Variants in MCF2 observed in about 807,000 individuals in gnomAD.
The protein encoded by MCF2 is proto-oncogene DBL.
A neutral mutation model predicts 82.5 loss-of-function variants in MCF2; 44 were observed. That is an observed-to-expected ratio of 0.53 (90% CI 0.42 to 0.69). The LOEUF is 0.69. MCF2 is among the 30% of genes least tolerant of loss of function. The pLI, the probability that MCF2 is intolerant of heterozygous loss-of-function variation, is 0.00. For missense variants in MCF2, 623 were observed against 663.1 expected, an observed-to-expected ratio of 0.94 and a Z score of 0.66; for synonymous variants, 217 against 224.9, an observed-to-expected ratio of 0.96 and a Z score of 0.32.
At chrX:139,612,353 A>T (rs1048442933) in intron 10 of MCF2, among the ~76,000 whole-genome samples, 2 of 110,908 alleles carry the variant, frequency 1.8e-5, no homozygotes, top group African/African-American at 6.5e-5. Context: ...AAAGCTTAGA[A>T]GAAAGATCTA....
exon 7 of MCF2, chrX:139,619,652 T>A: frequency 3.4e-6 from 4 of 1,182,553 alleles, no homozygotes; most frequent in Non-Finnish European, 4.6e-6. Flanking sequence ...ATAGTCCCTG[T>A]TACATCAGCC....
chrX:139,703,254 GAGTGT>G (rs2148588774), intron 1 of MCF2, among the ~76,000 whole-genome samples: 1 of 111,947 alleles, frequency 8.9e-6, no homozygotes, highest in South Asian at 3.7e-4. Flanking sequence ...AGAGAGGAGT[GAGTGT>G]AGGAAATTTG....
chrX:139,649,992 T>C (rs1933938734), intron 2 of MCF2, among the ~76,000 whole-genome samples: 2 of 112,309 alleles, frequency 1.8e-5, no homozygotes, highest in South Asian at 3.7e-4. Flanking sequence ...TCATCATTAA[T>C]TCACAGTTAC....
At chrX:139,583,959 T>C (rs1246392229) in intron 24 of MCF2, among the ~76,000 whole-genome samples, 1 of 110,568 alleles carries the variant, frequency 9.0e-6, no homozygotes, top group Non-Finnish European at 1.9e-5. Context: ...CCGCTCTTTT[T>C]CATACTAATA....
At chrX:139,622,897 A>T (rs1182053268) in intron 6 of MCF2, among the ~76,000 whole-genome samples, 3 of 111,248 alleles carry the variant, frequency 2.7e-5, no homozygotes, top group East Asian at 2.8e-4. Flanking sequence ...TAAAATAAAA[A>T]AAAACTAATA....
At chrX:139,663,260 C>A (rs1012614407) in intron 1 of MCF2, among the ~76,000 whole-genome samples, 2 of 112,011 alleles carry the variant, frequency 1.8e-5, no homozygotes, top group Non-Finnish European at 3.8e-5. Context: ...CATTTCTACC[C>A]GCAGTATATA....
rs139210350 is a variant in MCF2 at position 139,671,382 on chromosome X, C to A, written c.-44-19594G>T. On this transcript the variant is annotated intron_variant, in intron 1 of 27. Coordinates refer to the MCF2 transcript ENST00000414978. ...CTTTTGGTGTTTTAGTCATGAAGCC[C>A]TTGCCCATGCCTATGTCCTGAATGG... is the stretch of plus-strand genomic sequence containing the variant. 7.9e-3 allele frequency among the ~76,000 whole-genome samples: 885 copies of A among 111,611 alleles called. 7 individuals are homozygous for A. The highest frequency in any genetic ancestry group is 0.027 in the African/African-American group (839 of 30,687).
At chrX:139,648,699 A>C (rs1933890832) in intron 2 of MCF2, among the ~76,000 whole-genome samples, 1 of 112,382 alleles carries the variant, frequency 8.9e-6, no homozygotes, top group Non-Finnish European at 1.9e-5. Flanking sequence ...ACAAATTATT[A>C]AAAGCAAAGG....
At chrX:139,671,537 G>T (rs1330026644) in intron 1 of MCF2, among the ~76,000 whole-genome samples, 3 of 111,571 alleles carry the variant, frequency 2.7e-5, no homozygotes, top group Non-Finnish European at 5.6e-5. Flanking sequence ...CATATGGCTA[G>T]CTAGTTTTCC....
At chrX:139,705,133 G>A (rs1386138953) in intron 1 of MCF2, among the ~76,000 whole-genome samples, 1 of 111,191 alleles carries the variant, frequency 9.0e-6, no homozygotes, top group African/African-American at 3.3e-5. Context: ...CCAACATGGT[G>A]AAACCCCATC....
chrX:139,696,533 C>T (rs1935388535), intron 1 of MCF2, among the ~76,000 whole-genome samples: 1 of 111,456 alleles, frequency 9.0e-6, no homozygotes, highest in South Asian at 3.8e-4. Context: ...AAGCGATTCT[C>T]ATGCCTCAGC....
intron 19 of MCF2, among the ~76,000 whole-genome samples, chrX:139,593,851 TA>T (rs950296705): frequency 8.1e-5 from 9 of 111,056 alleles, no homozygotes; most frequent in African/African-American, 2.6e-4. Flanking sequence ...AAAATCTCCT[TA>T]AGCTGATAAG....
intron 1 of MCF2, among the ~76,000 whole-genome samples, chrX:139,678,439 G>A (rs1320251166): frequency 9.0e-6 from 1 of 111,420 alleles, no homozygotes; most frequent in Admixed American, 9.5e-5. Context: ...GATGGAAGAA[G>A]CAGAAAGCAT....
chrX:139,642,833 G>C, exon 1 of MCF2: 1 of 948,301 alleles, frequency 1.1e-6, no homozygotes, highest in Non-Finnish European at 1.3e-6. Flanking sequence ...AGAAGATCAG[G>C]CATGTCCTAA....
chrX:139,607,721 T>C (rs1328838851), exon 12 of MCF2: 1 of 1,204,661 alleles, frequency 8.3e-7, no homozygotes. Flanking sequence ...ATTGCCATTG[T>C]CCAAACTGGA....
At chrX:139,647,125 A>C (rs556941511), upstream of MCF2, among the ~76,000 whole-genome samples, 3 of 112,179 alleles carry the variant, frequency 2.7e-5, no homozygotes, top group South Asian at 7.5e-4. Flanking sequence ...GAGTAAAATG[A>C]ATGAATATAG....
chrX:139,590,441 T>G (rs1017523451), intron 19 of MCF2, among the ~76,000 whole-genome samples: 3 of 109,664 alleles, frequency 2.7e-5, no homozygotes, highest in Non-Finnish European at 5.7e-5. Flanking sequence ...AGGATCTCTC[T>G]ATTTTCCACC....
chrX:139,625,193 G>A (rs1932691042), intron 6 of MCF2, among the ~76,000 whole-genome samples: 1 of 111,187 alleles, frequency 9.0e-6, no homozygotes, highest in Non-Finnish European at 1.9e-5. Context: ...AGGAATTAAT[G>A]ACTTGGGGAA....
upstream of MCF2, among the ~76,000 whole-genome samples, chrX:139,646,626 G>A (rs1211534082): frequency 2.7e-5 from 3 of 111,615 alleles, no homozygotes; most frequent in Non-Finnish European, 5.6e-5. Context: ...TTAGGTAGCT[G>A]CCAGCTTCTC....
Sources: allele counts gnomAD v4.1 joint callset (sites outside exome capture counted in the v4.1 genomes callset), GRCh38; gene constraint gnomAD v4.1.1; transcripts MANE v1.5; gene names NCBI Gene and HGNC (gene_info 2026-07-23, HGNC 2026-07-21).